SPHKAP: variants seen among roughly 807,000 people sequenced by gnomAD.
The protein encoded by SPHKAP is A-kinase anchor protein SPHKAP.
In SPHKAP, 67 loss-of-function variants were observed where a neutral mutation model predicts 137.5. That is an observed-to-expected ratio of 0.49 (90% CI 0.40 to 0.60). The LOEUF is 0.60. Ranked by LOEUF, SPHKAP falls within the 20% of genes least tolerant of loss-of-function variation. SPHKAP has a pLI of 0.00. For missense variants in SPHKAP, 2,097 were observed against 2,069.3 expected (o/e 1.01, Z -0.26); for synonymous variants, 813 against 785.3 (o/e 1.04, Z -0.59).
rs1464397525 is a variant in SPHKAP, at chr2:228,012,726, A to AT, written c.4448+3679dup. Among the ~76,000 whole-genome samples, 5 of 152,094 alleles carry AT rather than the reference A, an allele frequency of 3.3e-5. No homozygotes were observed. In the East Asian group the frequency reaches 5.8e-4, roughly 18 times the overall value. On this transcript the variant is annotated intron_variant, in intron 7 of 11. Transcript: ENST00000392056. Reference sequence around the variant, plus strand: ...CACTCAAATATTTGTTGGATGAATAATTTTTTTTCTTGAAGCAAATATAAA... The same window carrying AT: ...CACTCAAATATTTGTTGGATGAATAATTTTTTTTTCTTGAAGCAAATATAAA...
chr2:228,066,699 A>C (rs1367921602), intron 3 of SPHKAP, among the ~76,000 whole-genome samples: 1 of 152,174 alleles, frequency 6.6e-6, no homozygotes, highest in Non-Finnish European at 1.5e-5. Flanking sequence ...AATCATGCTC[A>C]TTGCAGTTTC....
chr2:227,983,345 T>G (rs1184991228), intron 11 of SPHKAP, among the ~76,000 whole-genome samples: 2 of 152,200 alleles, frequency 1.3e-5, no homozygotes, highest in East Asian at 3.9e-4. Context: ...TTGTATTGGC[T>G]GAATCAAAAT....
intron 1 of SPHKAP, among the ~76,000 whole-genome samples, chr2:228,142,471 CAAA>C (rs112561589): frequency 8.4e-6 from 1 of 118,650 alleles, no homozygotes; most frequent in Admixed American, 8.7e-5. Flanking sequence ...GACTCCATCT[CAAA>C]AAAAAAAAAA....
intron 2 of SPHKAP, among the ~76,000 whole-genome samples, chr2:228,125,174 G>A (rs1574871889): frequency 6.6e-6 from 1 of 152,224 alleles, no homozygotes; most frequent in Non-Finnish European, 1.5e-5. Flanking sequence ...TTCCTCACAT[G>A]AATCCTATGC....
At chr2:228,167,069 A>G (rs1700443095) in intron 1 of SPHKAP, among the ~76,000 whole-genome samples, 1 of 152,166 alleles carries the variant, frequency 6.6e-6, no homozygotes, top group Non-Finnish European at 1.5e-5. Flanking sequence ...ACCCGGCCCC[A>G]TGATCCAATC....
rs777847722 is a variant in SPHKAP, at chr2:228,092,138, TACAC to T, written c.246+16690_246+16693del. Among the ~76,000 whole-genome samples the T allele has an allele frequency of 5.7e-3, 776 of 135,508 alleles. 9 individuals carry two copies. The highest frequency in any genetic ancestry group is 0.019 in the African/African-American group (686 of 35,674). 88.9% of individuals were successfully genotyped at this position (135,508 alleles called of 152,430 possible). On this transcript the variant is annotated intron_variant, in intron 3 of 11. Transcript: ENST00000392056. ...ATATATACATATACGTATATGTGTG[TACAC>T]ATATATACATATACATATATGTGTG...
chr2:228,069,228 T>C (rs1310394554), intron 3 of SPHKAP, among the ~76,000 whole-genome samples: 1 of 152,130 alleles, frequency 6.6e-6, no homozygotes, highest in African/African-American at 2.4e-5. Context: ...GATCGTGCCA[T>C]TGCACTCCAG....
At chr2:228,131,840 T>TA in intron 2 of SPHKAP, 140 bp downstream of exon 2, 1 of 1,421,232 alleles carries the variant, frequency 7.0e-7, no homozygotes, top group South Asian at 1.5e-5. Context: ...TATCAAGGCT[T>TA]ACTTGGGAAA....
intron 11 of SPHKAP, among the ~76,000 whole-genome samples, chr2:227,984,425 C>T (rs1240437531): frequency 1.3e-5 from 2 of 152,000 alleles, no homozygotes; most frequent in Admixed American, 6.6e-5. Context: ...GAACAGACTA[C>T]AAACCCTTTA....
intron 1 of SPHKAP, among the ~76,000 whole-genome samples, chr2:228,171,890 T>C (rs866348423): frequency 3.3e-5 from 5 of 152,272 alleles, no homozygotes; most frequent in South Asian, 2.1e-4. Context: ...AAATCAGTGT[T>C]TTGTCAACCC....
intron 1 of SPHKAP, among the ~76,000 whole-genome samples, chr2:228,164,602 T>C (rs4305256): frequency 0.13 from 19,436 of 152,198 alleles, 1,256 homozygotes; most frequent in East Asian, 0.2. Context: ...CACCTCTACA[T>C]TGAAAACCAT....
chr2:228,178,176 A>C (rs1331262492), intron 1 of SPHKAP, among the ~76,000 whole-genome samples: 1 of 152,214 alleles, frequency 6.6e-6, no homozygotes, highest in East Asian at 1.9e-4. Context: ...ATTTAAAATA[A>C]AGTATGGATT....
rs555578335 is a variant in SPHKAP, at chr2:228,010,167, C to T, written c.4448+6239G>A. ...AGGGCTAATCACGTTTGTTTCCCTT[C>T]GCTCAATGTGCTGCTTGTTGTACAA... On this transcript the variant is annotated intron_variant, in intron 7 of 11. Coordinates refer to ENST00000392056, the MANE Select transcript of SPHKAP (RefSeq NM_001142644.2). 1.6e-3 allele frequency among the ~76,000 whole-genome samples: 244 copies of T among 152,274 alleles called. 1 individual carries two copies. Among genetic ancestry groups the T allele is most frequent in the South Asian group, 3.9e-3 (19 of 4,822 alleles).
chr2:228,040,099 G>A (rs1001024103), intron 3 of SPHKAP, among the ~76,000 whole-genome samples: 1 of 152,066 alleles, frequency 6.6e-6, no homozygotes, highest in African/African-American at 2.4e-5. Context: ...TTAACCAAAA[G>A]CATGATGTCA....
intron 3 of SPHKAP, among the ~76,000 whole-genome samples, chr2:228,102,336 C>A (rs533128608): frequency 1.3e-5 from 2 of 151,986 alleles, no homozygotes; most frequent in African/African-American, 4.8e-5. Context: ...GTTTCTGCAG[C>A]TGCATGATAC....
intron 1 of SPHKAP, among the ~76,000 whole-genome samples, chr2:228,176,407 A>G (rs949725763): frequency 6.6e-6 from 1 of 152,250 alleles, no homozygotes; most frequent in African/African-American, 2.4e-5. Flanking sequence ...GCATTATAGA[A>G]GACTAAAGTA....
intron 6 of SPHKAP, among the ~76,000 whole-genome samples, chr2:228,021,307 C>A (rs1399895532): frequency 1.3e-5 from 2 of 152,190 alleles, no homozygotes; most frequent in African/African-American, 4.8e-5. Context: ...GATCTCACAG[C>A]CTCAATGTGG....
chr2:228,097,503 A>AT (rs879438218), intron 3 of SPHKAP, among the ~76,000 whole-genome samples: 3 of 151,686 alleles, frequency 2.0e-5, no homozygotes, highest in Non-Finnish European at 4.4e-5. Flanking sequence ...TGCATCATTT[A>AT]TTTTTTTTCA....
intron 1 of SPHKAP, among the ~76,000 whole-genome samples, chr2:228,180,943 C>T (rs1700889862): frequency 6.6e-6 from 1 of 152,118 alleles, no homozygotes; most frequent in Non-Finnish European, 1.5e-5. Context: ...GGGGGACGAG[C>T]AAAACCAAAG....
Sources: gnomAD v4.1 joint callset for allele counts (sites outside exome capture counted in the v4.1 genomes callset) on GRCh38, gnomAD v4.1.1 for gene constraint, MANE v1.5 for transcripts, NCBI Gene and HGNC (gene_info 2026-07-23, HGNC 2026-07-21) for gene names.